Variants in DNAJC5B observed in about 807,000 individuals in gnomAD.
DNAJC5B encodes the protein dnaJ homolog subfamily C member 5B.
A neutral mutation model predicts 24.7 loss-of-function variants in DNAJC5B; 23 were observed. The ratio of observed to expected loss-of-function variants is 0.93; its 90% CI spans 0.67 to 1.32. The LOEUF (loss-of-function observed/expected upper bound fraction) is 1.32, where lower values mean the gene tolerates loss of function less well. Ranked by LOEUF, DNAJC5B falls within the 40% of genes most tolerant of loss-of-function variation. DNAJC5B has a pLI of 0.00. For synonymous variants in DNAJC5B, 101 were observed against 90.1 expected (o/e 1.12, Z -0.68); for missense variants, 238 against 240.8 (o/e 0.99, Z 0.08).
intron 2 of DNAJC5B, among the ~76,000 whole-genome samples, chr8:66,046,815 A>T (rs1198073960): frequency 6.6e-6 from 1 of 152,272 alleles, no homozygotes; most frequent in African/African-American, 2.4e-5. Context: ...ACCAGCTGAG[A>T]TGGCGGCAGC....
intron 3 of DNAJC5B, among the ~76,000 whole-genome samples, chr8:66,076,205 CT>C (rs1206876334): frequency 6.6e-6 from 1 of 152,154 alleles, no homozygotes; most frequent in Non-Finnish European, 1.5e-5. Flanking sequence ...TCAAGAGAGA[CT>C]TTTTTGATAG....
At chr8:66,091,657 C>G (rs1807849967) in intron 5 of DNAJC5B, among the ~76,000 whole-genome samples, 1 of 152,110 alleles carries the variant, frequency 6.6e-6, no homozygotes, top group South Asian at 2.1e-4. Context: ...GACAAAGGTT[C>G]AAACCATCAA....
chr8:66,091,713 G>A (rs1807852251), intron 5 of DNAJC5B, among the ~76,000 whole-genome samples: 2 of 152,150 alleles, frequency 1.3e-5, no homozygotes, highest in African/African-American at 2.4e-5. Flanking sequence ...CATCCCCAAT[G>A]TACTAGAGAA....
chr8:66,030,540 C>T (rs2128956207), intron 1 of DNAJC5B, among the ~76,000 whole-genome samples: 1 of 152,330 alleles, frequency 6.6e-6, no homozygotes, highest in Non-Finnish European at 1.5e-5. Flanking sequence ...CCACCACTGC[C>T]CCCTTCCTCT....
chr8:66,093,757 GT>G (rs1258401473), intron 5 of DNAJC5B, among the ~76,000 whole-genome samples: 1 of 151,970 alleles, frequency 6.6e-6, no homozygotes, highest in Non-Finnish European at 1.5e-5. Context: ...TTGCCTTTAC[GT>G]TTAGTGATTT....
chr8:66,097,837 T>C (rs898980780), intron 5 of DNAJC5B, among the ~76,000 whole-genome samples: 2 of 152,176 alleles, frequency 1.3e-5, no homozygotes, highest in African/African-American at 4.8e-5. Flanking sequence ...GTAAGATTGC[T>C]TTTAATATCC....
At chr8:66,066,636 C>T (rs944084377) in intron 3 of DNAJC5B, among the ~76,000 whole-genome samples, 2 of 152,044 alleles carry the variant, frequency 1.3e-5, no homozygotes, top group Non-Finnish European at 2.9e-5. Context: ...GAATTGAAAC[C>T]AAAACACTGT....
chr8:66,078,387 A>T (rs996128496), intron 4 of DNAJC5B, among the ~76,000 whole-genome samples: 4 of 152,212 alleles, frequency 2.6e-5, no homozygotes, highest in African/African-American at 9.6e-5. Context: ...TACATGAATG[A>T]ATCAGTGTAC....
At chr8:66,097,367 C>T (rs182639245) in intron 5 of DNAJC5B, among the ~76,000 whole-genome samples, 32 of 151,970 alleles carry the variant, frequency 2.1e-4, no homozygotes, top group African/African-American at 7.7e-4. Flanking sequence ...CTTATCTTTA[C>T]CCTCCTCTTG....
chr8:66,038,824 G>T (rs775865426), intron 1 of DNAJC5B, among the ~76,000 whole-genome samples: 31 of 152,170 alleles, frequency 2.0e-4, no homozygotes, highest in Admixed American at 7.9e-4. Context: ...GTTTATTACA[G>T]CAATTGCTTA....
In DNAJC5B at chr8:66,024,425, G is replaced by A. The variant is rs1037040218; in HGVS notation, c.-142+2720G>A. ...GATTCTTTTTTTTTTTTTTTTTAAT[G>A]TTTTTTTTTTATTATTATACTCTAA... On this transcript the variant is annotated intron_variant, in intron 1 of 5. Transcript: ENST00000276570. 6.3e-5 allele frequency among the ~76,000 whole-genome samples: 3 copies of A among 47,626 alleles called. No individual in the cohort carries two copies. In the African/African-American group the frequency reaches 1.6e-3, roughly 26 times the overall value. The allele number at this position is 47,626 out of a possible 152,430, so 31.2% of individuals were successfully genotyped here. A position where few individuals can be genotyped will look rare whatever the true frequency, so the allele number is the denominator to read the frequency against.
At chr8:66,073,137 G>T (rs978428527) in intron 3 of DNAJC5B, among the ~76,000 whole-genome samples, 13 of 151,860 alleles carry the variant, frequency 8.6e-5, no homozygotes, top group Non-Finnish European at 1.8e-4. Flanking sequence ...AAATTTAAAA[G>T]AATTTATAAT....
chr8:66,031,010 G>C (rs1352828071), intron 1 of DNAJC5B, among the ~76,000 whole-genome samples: 4 of 152,170 alleles, frequency 2.6e-5, no homozygotes, highest in Admixed American at 1.3e-4. Context: ...GCTTATGCTC[G>C]TGAGAGCCCC....
chr8:66,056,370 C>T (rs1180416502), intron 3 of DNAJC5B: 1 of 152,204 alleles, frequency 6.6e-6, no homozygotes, highest in Non-Finnish European at 1.5e-5. Context: ...CAGTCTGGGA[C>T]TCCTCTCTCT....
At chr8:66,072,850 T>A (rs919023003) in intron 3 of DNAJC5B, among the ~76,000 whole-genome samples, 19 of 152,162 alleles carry the variant, frequency 1.2e-4, no homozygotes, top group Admixed American at 5.2e-4. Flanking sequence ...ATAAGCTTCA[T>A]CTAACATTTA....
At chr8:66,068,349 G>C (rs13257752) in intron 3 of DNAJC5B, among the ~76,000 whole-genome samples, 1 of 151,778 alleles carries the variant, frequency 6.6e-6, no homozygotes, top group Non-Finnish European at 1.5e-5. Flanking sequence ...GAAAATTATG[G>C]AAAGGGATAT....
intron 5 of DNAJC5B, among the ~76,000 whole-genome samples, chr8:66,085,200 G>A (rs901344279): frequency 1.3e-5 from 2 of 152,306 alleles, no homozygotes; most frequent in East Asian, 3.9e-4. Context: ...AGCAATTTGG[G>A]AGGCGGAGGC....
intron 1 of DNAJC5B, among the ~76,000 whole-genome samples, chr8:66,028,875 C>T (rs62507392): frequency 0.12 from 18,954 of 152,126 alleles, 1,242 homozygotes; most frequent in African/African-American, 0.16. Flanking sequence ...GTTTATAAAA[C>T]GAGGACTAAA....
chr8:66,015,001 C>T, the DNAJC5B span, among the ~76,000 whole-genome samples: 3 of 152,208 alleles, frequency 2.0e-5, no homozygotes, highest in East Asian at 5.8e-4. Flanking sequence ...ATACAGATAA[C>T]GGCAAGATCT....
Sources: gnomAD v4.1 joint callset for allele counts (sites outside exome capture counted in the v4.1 genomes callset) on GRCh38, gnomAD v4.1.1 for gene constraint, MANE v1.5 for transcripts, NCBI Gene and HGNC (gene_info 2026-07-23, HGNC 2026-07-21) for gene names.